CHLSN: variants seen among roughly 807,000 people sequenced by gnomAD.
CHLSN encodes the protein protein cholesin.
At chr7:1,091,894 G>A in the CHLSN span, 29 of 1,613,924 alleles carry the variant, frequency 1.8e-5, no homozygotes, top group South Asian at 3.3e-5. Flanking sequence ...CCAGCAGTAC[G>A]TGATCGGCCT....
At chr7:1,041,037 A>G in the CHLSN span, among the ~76,000 whole-genome samples, 1 of 152,224 alleles carries the variant, frequency 6.6e-6, no homozygotes, top group East Asian at 1.9e-4. Flanking sequence ...GGCACCTCCC[A>G]CGTTCCCTGT....
the CHLSN span, among the ~76,000 whole-genome samples, chr7:986,223 G>A: frequency 6.6e-6 from 1 of 152,196 alleles, no homozygotes; most frequent in Non-Finnish European, 1.5e-5. Flanking sequence ...AGCACCCGCT[G>A]GTGCCAGGCT....
the CHLSN span, chr7:983,153 T>A: frequency 7.2e-7 from 1 of 1,383,036 alleles, no homozygotes; most frequent in African/African-American, 1.5e-5. Flanking sequence ...CGGAGGCCTA[T>A]AAGGGTGCGG....
At chr7:1,020,125 CCAGGCCCAGCAGTGCATGGATGCGG>C in the CHLSN span, among the ~76,000 whole-genome samples, 5,025 of 152,308 alleles carry the variant, frequency 0.033, 149 homozygotes, top group Admixed American at 0.082. Context: ...AACACGGGCA[CCAGGCCCAGCAGTGCATGGATGCGG>C]CAGGCCCCGC....
the CHLSN span, among the ~76,000 whole-genome samples, chr7:993,183 G>C: frequency 6.6e-6 from 1 of 152,226 alleles, no homozygotes; most frequent in East Asian, 1.9e-4. Flanking sequence ...CCAGTGGGCG[G>C]GGGGTGGCCT....
the CHLSN span, among the ~76,000 whole-genome samples, chr7:982,140 A>C: frequency 6.6e-6 from 1 of 151,992 alleles, no homozygotes; most frequent in Non-Finnish European, 1.5e-5. Context: ...GGTATGAGGC[A>C]CTCCCTCCCC....
At chr7:1,071,148 C>A in the CHLSN span, among the ~76,000 whole-genome samples, 1 of 152,244 alleles carries the variant, frequency 6.6e-6, no homozygotes, top group Non-Finnish European at 1.5e-5. Flanking sequence ...AGGCCCCGCA[C>A]GCGGCTGTTC....
At chr7:1,075,773 C>A in the CHLSN span, among the ~76,000 whole-genome samples, 3 of 151,818 alleles carry the variant, frequency 2.0e-5, no homozygotes. Flanking sequence ...CCACCACTCC[C>A]AGCTAATTTT....
chr7:1,040,977 G>A, the CHLSN span, among the ~76,000 whole-genome samples: 1,055 of 152,376 alleles, frequency 6.9e-3, 6 homozygotes, highest in Non-Finnish European at 0.011. Context: ...AGTGCCTCCC[G>A]GGGTCAACCC....
At chr7:1,040,947 A>G in the CHLSN span, among the ~76,000 whole-genome samples, 16 of 152,254 alleles carry the variant, frequency 1.1e-4, no homozygotes, top group Admixed American at 1.0e-3. Flanking sequence ...TGGCTGCTGC[A>G]TGCCGGGCCT....
At chr7:1,062,013 C>G in the CHLSN span, among the ~76,000 whole-genome samples, 4 of 152,240 alleles carry the variant, frequency 2.6e-5, no homozygotes, top group Non-Finnish European at 5.9e-5. Context: ...CCCAACTCCC[C>G]AATTCTTCCC....
At chr7:977,988 C>T in the CHLSN span, among the ~76,000 whole-genome samples, 2 of 152,198 alleles carry the variant, frequency 1.3e-5, no homozygotes, top group African/African-American at 4.8e-5. Flanking sequence ...GCTTTTATTA[C>T]CCAGCAAAGA....
the CHLSN span, among the ~76,000 whole-genome samples, chr7:1,007,541 C>G: frequency 2.0e-5 from 3 of 152,118 alleles, no homozygotes; most frequent in Non-Finnish European, 4.4e-5. Flanking sequence ...CAGCCAGATG[C>G]GGCTGGGCTT....
chr7:1,002,432 G>GT, the CHLSN span, among the ~76,000 whole-genome samples: 1 of 103,870 alleles, frequency 9.6e-6, no homozygotes, highest in African/African-American at 3.8e-5. Flanking sequence ...CCTGTGGGTG[G>GT]GGAGTCCTGT....
chr7:988,543 G>A, the CHLSN span: 1 of 1,597,288 alleles, frequency 6.3e-7, no homozygotes, highest in Non-Finnish European at 8.5e-7. Flanking sequence ...GGCTGTGGTG[G>A]CTGCTCCTGT....
the CHLSN span, among the ~76,000 whole-genome samples, chr7:1,136,443 A>AATATATATAAAC: frequency 2.5e-5 from 3 of 121,930 alleles, no homozygotes; most frequent in East Asian, 2.4e-4. Flanking sequence ...CATATATATA[A>AATATATATAAAC]ATATATATAA....
chr7:1,000,818 T>C, the CHLSN span, among the ~76,000 whole-genome samples: 2 of 152,054 alleles, frequency 1.3e-5, no homozygotes, highest in African/African-American at 4.8e-5. Context: ...TGACCCCAAG[T>C]CCCCGTGGGC....
chr7:1,063,942 G>A, the CHLSN span, among the ~76,000 whole-genome samples: 3 of 152,216 alleles, frequency 2.0e-5, no homozygotes, highest in Non-Finnish European at 4.4e-5. Context: ...CCACCTGGAA[G>A]ATGGAAGACC....
chr7:979,667 G>A, the CHLSN span, among the ~76,000 whole-genome samples: 2 of 151,826 alleles, frequency 1.3e-5, no homozygotes, highest in African/African-American at 2.4e-5. Flanking sequence ...CAGGAGAATC[G>A]CTTGAACCTG....
Sources: allele counts gnomAD v4.1 joint callset (sites outside exome capture counted in the v4.1 genomes callset), GRCh38; gene constraint gnomAD v4.1.1; transcripts MANE v1.5; gene names NCBI Gene and HGNC (gene_info 2026-07-23, HGNC 2026-07-21).